HPS4: variants seen among roughly 807,000 people sequenced by gnomAD.
The protein encoded by HPS4 is HPS4 biogenesis of lysosomal organelles complex 3 subunit 2, also known as BLOC-3 complex member HPS4.
HPS4 carries 44 observed loss-of-function variants against 70.3 expected under a neutral mutation model. The observed-to-expected ratio is 0.63, with a 90% confidence interval of 0.49 to 0.80. The LOEUF (loss-of-function observed/expected upper bound fraction) is 0.80, where lower values mean the gene tolerates loss of function less well. HPS4 is among the 30% of genes least tolerant of loss of function. The pLI is 0.00. For synonymous variants in HPS4, 377 were observed against 355.9 expected (o/e 1.06, Z -0.67); for missense variants, 873 against 884.4 (o/e 0.99, Z 0.16).
chr22:26,453,481 T>C, intron 13 of HPS4, 77 bp from the exon 14 acceptor site: 1 of 1,524,432 alleles, frequency 6.6e-7, no homozygotes. Flanking sequence ...CTCAGTAAGG[T>C]TCTTGTCACA....
At chr22:26,477,835 C>G (rs78842499) in intron 3 of HPS4, among the ~76,000 whole-genome samples, 2,933 of 152,252 alleles carry the variant, frequency 0.019, 77 homozygotes, top group African/African-American at 0.068. Context: ...TTCTAACACT[C>G]TACTACACAT....
chr22:26,477,771 C>T (rs2146942973), intron 3 of HPS4, among the ~76,000 whole-genome samples: 1 of 152,238 alleles, frequency 6.6e-6, no homozygotes, highest in African/African-American at 2.4e-5. Context: ...GGATAGGAGA[C>T]ATTAAATGAC....
intron 10 of HPS4, 38 bp downstream of exon 10, chr22:26,465,416 AG>A: frequency 7.0e-7 from 1 of 1,419,642 alleles, no homozygotes; most frequent in South Asian, 1.1e-5. Flanking sequence ...GGGGTCCCTC[AG>A]GTGTGGTGCA....
At chr22:26,473,043 T>G (rs1315693322) in intron 4 of HPS4, 104 bp from the exon 5 acceptor site, 2 of 899,608 alleles carry the variant, frequency 2.2e-6, no homozygotes, top group Non-Finnish European at 3.7e-6. Context: ...CACTGGCCCA[T>G]CGAAATTGAT....
chr22:26,476,778 C>T (rs2146919523), intron 4 of HPS4: 2 of 553,854 alleles, frequency 3.6e-6, no homozygotes, highest in South Asian at 2.0e-5. Context: ...GAGAAACCAG[C>T]TGTGTGCAAT....
chr22:26,446,348 G>A (rs2084951915), downstream of HPS4, among the ~76,000 whole-genome samples: 1 of 152,182 alleles, frequency 6.6e-6, no homozygotes, highest in Non-Finnish European at 1.5e-5. Context: ...TCTGTCCTTG[G>A]TGACAGCGAT....
At chr22:26,448,866 G>GA (rs1174524668), downstream of HPS4, among the ~76,000 whole-genome samples, 1 of 152,184 alleles carries the variant, frequency 6.6e-6, no homozygotes, top group Non-Finnish European at 1.5e-5. Flanking sequence ...CTAGGATGCT[G>GA]AGAGTGGGTC....
At chr22:26,450,042 TCCA>T (rs2085091491), downstream of HPS4, among the ~76,000 whole-genome samples, 1 of 152,200 alleles carries the variant, frequency 6.6e-6, no homozygotes, top group Admixed American at 6.5e-5. Context: ...CGTGGCCTTC[TCCA>T]CGTGAGTAAC....
rs1231815590 is a variant in HPS4 at position 26,464,102 on chromosome 22, A to T, written c.1528T>A (p.Ser510Thr). The T allele has an allele frequency of 1.2e-6, 2 of 1,614,134 alleles. No individual in the cohort carries two copies. The highest frequency in any genetic ancestry group is 2.7e-5 in the African/African-American group (2 of 74,942). Residue 510 changes from serine to threonine, a missense_variant, in exon 11 of 14, where the codon TCA (serine) becomes ACA (threonine). Physicochemically the swap from Ser to Thr is moderately conservative, Grantham distance 58. Coordinates refer to ENST00000398145, the MANE Select transcript of HPS4 (RefSeq NM_022081.6). ...SHAAPGLECS[S>T]GSANCQGAGP... ...GCACCCTGACAGTTTGCTGAGCCTG[A>T]ACTGCATTCCAGACCAGGGGCTGCG...
intron 11 of HPS4, among the ~76,000 whole-genome samples, chr22:26,461,055 AACAGCCCTAGGCAAC>A (rs2087153935): frequency 6.6e-6 from 1 of 152,238 alleles, no homozygotes; most frequent in Admixed American, 6.5e-5. Flanking sequence ...TGATCCTCAC[AACAGCCCTAGGCAAC>A]ACAGAGCTGA....
At position 26,457,877 on chromosome 22, in the gene HPS4, A is replaced by C; in HGVS notation, c.1937T>G (p.Leu646Arg). Residue 646 changes from leucine (L) to arginine (R), a missense_variant, in exon 13 of 14, where the codon CTT becomes CGT. Leu to Arg is a moderately radical substitution (Grantham distance 102, BLOSUM62 -2). Coordinates refer to ENST00000398145, the MANE Select transcript of HPS4 (RefSeq NM_022081.6). ...GGCTCACCTGACAGTCATTTCATAA[A>C]GCGCGGGCAGCTGGGCAAATTCGCT... The part of the protein sequence containing the change: ...MHSEFAQLPA[L>R]YEMTVRNAST... 1 of 1,614,214 alleles carries C rather than the reference A, an allele frequency of 6.2e-7. No individual in the cohort carries two copies.
Position 26,479,306 on chromosome 22 carries a change from C to T in HPS4, c.91G>A (p.Asp31Asn), listed in dbSNP as rs369457259. The change falls in exon 3 of 14, where the codon GAT becomes AAT. Residue 31 changes from aspartate (D) to asparagine (N), a missense_variant. Physicochemically the swap from Asp to Asn is conservative, Grantham distance 23. Transcript: ENST00000398145. Reference protein sequence around the residue: ...YDGSKVKEEGDPTRAGICYFY... With the variant: ...YDGSKVKEEGNPTRAGICYFY... ...TAACAAATGCCAGCTCTTGTTGGATCGCCTTCTTCCTTTACCTTGGAACCA... is the reference window on the plus strand; with the variant it reads ...TAACAAATGCCAGCTCTTGTTGGATTGCCTTCTTCCTTTACCTTGGAACCA... 3.1e-6 allele frequency: 5 copies of T among 1,613,970 alleles called. No individual in the cohort carries two copies. Among genetic ancestry groups the T allele is most frequent in the Non-Finnish European group, 4.2e-6 (5 of 1,180,024 alleles).
Position 26,464,163 on chromosome 22 carries a change from G to A in HPS4, c.1467C>T (p.Gly489=), listed in dbSNP as rs745687268. ...AGACCCCATCAACATCCTCATCCAG[G>A]CCTTGTTCCCCCGTGGGAAGCTTGT... is the stretch of plus-strand genomic sequence containing the variant. ...RGNKLPTGEQ[G]LDEDVDGVCE... The change falls in exon 11 of 14, where the codon GGC becomes GGT. Residue 489 remains glycine (G), a synonymous_variant. Coordinates refer to ENST00000398145, the MANE Select transcript of HPS4 (RefSeq NM_022081.6). 1.2e-6 allele frequency: 2 copies of A among 1,614,108 alleles called. No homozygotes were observed. Among genetic ancestry groups the A allele is most frequent in the Non-Finnish European group, 1.7e-6 (2 of 1,180,058 alleles).
At position 26,452,020 on chromosome 22, in the gene HPS4, A is replaced by G. The variant is rs888227740; in HGVS notation, c.*1213T>C. 7 of 271,024 alleles carry G rather than the reference A, an allele frequency of 2.6e-5. No homozygotes were observed. Among genetic ancestry groups the G allele is most frequent in the African/African-American group, 1.4e-4 (6 of 42,822 alleles). The allele number at this position is 271,024 out of a possible 1,614,324, so 16.8% of individuals were successfully genotyped here. The stretch of plus-strand genomic sequence containing the variant: ...CGCGCGCGCGCACACACACACACAC[A>G]CACACACACACACACACACACACTG... On this transcript the variant is annotated 3_prime_UTR_variant, in exon 14 of 14. Transcript: ENST00000398145.
intron 12 of HPS4, 75 bp from the exon 13 acceptor site, chr22:26,458,042 T>C: frequency 8.3e-7 from 1 of 1,198,958 alleles, no homozygotes; most frequent in Admixed American, 1.9e-5. Context: ...AGCCCAGTAC[T>C]GAACACGGGG....
Position 26,481,767 on chromosome 22 carries a change from T to C in HPS4, c.-5A>G. On this transcript the variant is annotated 5_prime_UTR_variant, in exon 2 of 14. Coordinates refer to ENST00000398145, the MANE Select transcript of HPS4 (RefSeq NM_022081.6). ...TGTGGAGGTAGAGGTGGCCATCTAC[T>C]GTGCAGTCATCCTCATTCTCTTCAT... The C allele has an allele frequency of 1.2e-6, 2 of 1,613,916 alleles. No individual in the cohort carries two copies. The highest frequency in any genetic ancestry group is 1.7e-6 in the Non-Finnish European group (2 of 1,179,744).
At chr22:26,454,670 G>A (rs1230865017) in intron 13 of HPS4, among the ~76,000 whole-genome samples, 1 of 152,178 alleles carries the variant, frequency 6.6e-6, no homozygotes, top group African/African-American at 2.4e-5. Flanking sequence ...CATAGGCATG[G>A]CCAAGGACTT....
chr22:26,468,252 C>T, intron 8 of HPS4: 1 of 432,724 alleles, frequency 2.3e-6, no homozygotes, highest in Non-Finnish European at 4.3e-6. Context: ...TCTGAAAAGT[C>T]TAACATCTCT....
intron 12 of HPS4, among the ~76,000 whole-genome samples, 165 bp downstream of exon 12, chr22:26,458,280 G>T (rs1490862740): frequency 6.6e-6 from 1 of 152,350 alleles, no homozygotes; most frequent in South Asian, 2.1e-4. Flanking sequence ...CCCAGTGAAC[G>T]CCACACTCAG....
Sources: gnomAD v4.1 joint callset for allele counts (sites outside exome capture counted in the v4.1 genomes callset) on GRCh38, gnomAD v4.1.1 for gene constraint, MANE v1.5 for transcripts, NCBI Gene and HGNC (gene_info 2026-07-23, HGNC 2026-07-21) for gene names.